CCDC92B: variants seen among roughly 807,000 people sequenced by gnomAD.
CCDC92B encodes coiled-coil domain-containing 92B.
CCDC92B carries 2 observed loss-of-function variants against 5.6 expected under a neutral mutation model. That is an observed-to-expected ratio of 0.36 (90% confidence interval 0.15 to 1.12). The LOEUF is 1.12. Ranked by LOEUF, CCDC92B falls within the 50% of genes most tolerant of loss-of-function variation. The pLI is 0.40. For missense variants in CCDC92B, 271 were observed against 262.2 expected (o/e 1.03, Z -0.23); for synonymous variants, 115 against 122.3 (o/e 0.94, Z 0.39).
intron 1 of CCDC92B, among the ~76,000 whole-genome samples, chr17:2,743,707 C>A (rs1307322982): frequency 6.6e-6 from 1 of 152,112 alleles, no homozygotes; most frequent in Non-Finnish European, 1.5e-5. Context: ...CTCCTCAAGG[C>A]CTATTCCCCT....
rs2070707989 is a variant in CCDC92B at position 2,724,913 on chromosome 17, C to CGCCGCAGCTCCGCGTTG, written c.249_265dup (p.Arg89ProfsTer313). On this transcript the variant is annotated frameshift_variant, in exon 4 of 4. Coordinates refer to ENST00000614400, the MANE Select transcript of CCDC92B (RefSeq NM_001355573.2). LOFTEE classifies it low-confidence loss of function (END_TRUNC). This position sits in a 1 kb window ranked among gnomAD's most constrained non-coding sequence, Gnocchi z 5.0. ...CAGCGCCTCGCGCTGCGCCACCTCCCGCCGCAGCTCCGCGTTGGCCGCAGC... is the reference window on the plus strand; with the variant it reads ...CAGCGCCTCGCGCTGCGCCACCTCCCGCCGCAGCTCCGCGTTGGCCGCAGCTCCGCGTTGGCCGCAGC... The CGCCGCAGCTCCGCGTTG allele has an allele frequency of 2.0e-6, 2 of 985,340 alleles. No homozygotes were observed. The highest frequency in any genetic ancestry group is 2.4e-6 in the Non-Finnish European group (2 of 829,898). 61.0% of individuals were successfully genotyped at this position (985,340 alleles called of 1,614,324 possible). A position where few individuals can be genotyped will look rare whatever the true frequency, so the allele number is the denominator to read the frequency against.
In CCDC92B at chr17:2,728,851, A is replaced by G. The variant is rs535100958; in HGVS notation, c.178+1595T>C. On this transcript the variant is annotated intron_variant, in intron 3 of 3. Transcript: ENST00000614400. ...TTAGTCCAAGTTCGTAAGTGTTTAGATGGTCTGTAACTGATCTTCATGCAT... is the reference window on the plus strand; with the variant it reads ...TTAGTCCAAGTTCGTAAGTGTTTAGGTGGTCTGTAACTGATCTTCATGCAT... Among the ~76,000 whole-genome samples the G allele has an allele frequency of 1.2e-4, 19 of 152,268 alleles. No individual in the cohort carries two copies. In the South Asian group the frequency reaches 3.3e-3, roughly 27 times the overall value.
In CCDC92B at chr17:2,738,758, CAAAAAA is replaced by C. The variant is rs533157087; in HGVS notation, c.-23-3596_-23-3591del. 2.2e-5 allele frequency among the ~76,000 whole-genome samples: 2 copies of C among 89,794 alleles called. 1 individual carries two copies. Among genetic ancestry groups the C allele is most frequent in the African/African-American group, 8.6e-5 (2 of 23,338 alleles). The allele number at this position is 89,794 out of a possible 152,430, so 58.9% of individuals were successfully genotyped here. Reference sequence around the variant, plus strand: ...CTGGGTGACAGAGCAAGACTCGTCTCAAAAAAAAAAAAAAGAAAAAAGAAATGTAAG... The same window carrying C: ...CTGGGTGACAGAGCAAGACTCGTCTCAAAAAAAAGAAAAAAGAAATGTAAG... On this transcript the variant is annotated intron_variant, in intron 1 of 3. Transcript: ENST00000614400.
At chr17:2,739,402 T>C (rs1009736537) in intron 1 of CCDC92B, among the ~76,000 whole-genome samples, 7 of 145,524 alleles carry the variant, frequency 4.8e-5, no homozygotes, top group South Asian at 2.2e-4. Context: ...ACAAACAGGC[T>C]GGGCGCGGTG....
chr17:2,747,464 C>T (rs1159125465), intron 1 of CCDC92B, among the ~76,000 whole-genome samples: 2 of 152,274 alleles, frequency 1.3e-5, no homozygotes, highest in Non-Finnish European at 2.9e-5. Context: ...CGGTGGCTCA[C>T]GCCTGTCATC....
At position 2,724,869 on chromosome 17, in the gene CCDC92B, T is replaced by G; in HGVS notation, c.310A>C (p.Ser104Arg). 2.0e-6 allele frequency: 2 copies of G among 985,096 alleles called. No individual in the cohort carries two copies. Among genetic ancestry groups the G allele is most frequent in the Non-Finnish European group, 2.4e-6 (2 of 829,776 alleles). 61.0% of individuals were successfully genotyped at this position (985,096 alleles called of 1,614,324 possible). A position where few individuals can be genotyped will look rare whatever the true frequency, so the allele number is the denominator to read the frequency against. The change falls in exon 4 of 4, where the codon AGC becomes CGC. Residue 104 changes from serine to arginine, a missense_variant. By Grantham distance (110) the Ser-to-Arg change is moderately radical. Coordinates refer to ENST00000614400, the MANE Select transcript of CCDC92B (RefSeq NM_001355573.2). The surrounding 1 kb of genome is among the most constrained non-coding windows in gnomAD (Gnocchi z 5.0). ...REALVSALRC[S>R]LRTEERRFLE... Reference sequence around the variant, plus strand: ...AAGCGGCGCTCCTCGGTGCGCAGGCTGCAGCGCAGCGCGGACACCAGCGCC... The same window carrying G: ...AAGCGGCGCTCCTCGGTGCGCAGGCGGCAGCGCAGCGCGGACACCAGCGCC...
intron 3 of CCDC92B, among the ~76,000 whole-genome samples, chr17:2,728,471 T>C (rs1416203417): frequency 6.6e-6 from 1 of 151,840 alleles, no homozygotes; most frequent in East Asian, 1.9e-4. Context: ...CCGGGCGTGG[T>C]GGCGGGCGCC....
intron 1 of CCDC92B, among the ~76,000 whole-genome samples, chr17:2,743,426 G>A (rs377190646): frequency 4.6e-5 from 7 of 152,252 alleles, no homozygotes; most frequent in South Asian, 2.1e-4. Flanking sequence ...GCGAGACTCC[G>A]TCTCAAAACA....
intron 1 of CCDC92B, among the ~76,000 whole-genome samples, chr17:2,746,569 A>G (rs1222005593): frequency 6.6e-6 from 1 of 152,040 alleles, no homozygotes; most frequent in African/African-American, 2.4e-5. Context: ...TGATCCCTGA[A>G]AATGACCTCT....
intron 3 of CCDC92B, among the ~76,000 whole-genome samples, chr17:2,726,552 G>T (rs2070733317): frequency 6.6e-6 from 1 of 150,720 alleles, no homozygotes; most frequent in Admixed American, 6.6e-5. Context: ...CCTGACCTCA[G>T]GTCATCCTCC....
chr17:2,737,465 CTTTTTT>C (rs34254249), intron 1 of CCDC92B, among the ~76,000 whole-genome samples: 10 of 60,312 alleles, frequency 1.7e-4, no homozygotes, highest in Middle Eastern at 0.011. Flanking sequence ...ATAGGCCTTT[CTTTTTT>C]TTTTTTTTTT....
intron 1 of CCDC92B, among the ~76,000 whole-genome samples, chr17:2,738,633 G>A (rs574623275): frequency 4.0e-5 from 6 of 151,398 alleles, no homozygotes; most frequent in African/African-American, 1.2e-4. Flanking sequence ...GGTGGCGGGC[G>A]CCTGTAGTCC....
chr17:2,723,983 G>A lies in CCDC92B; in HGVS notation c.*428C>T, dbSNP rs2070690644. 14 of 968,612 alleles carry A rather than the reference G, an allele frequency of 1.4e-5. No homozygotes were observed. The highest frequency in any genetic ancestry group is 1.7e-5 in the Non-Finnish European group (14 of 815,418). 60.0% of individuals were successfully genotyped at this position (968,612 alleles called of 1,614,324 possible). A position where few individuals can be genotyped will look rare whatever the true frequency, so the allele number is the denominator to read the frequency against. On this transcript the variant is annotated 3_prime_UTR_variant, in exon 4 of 4. Transcript: ENST00000614400. ...TCGGCGCGGGGGTGGGGGAGGCGGG[G>A]GGTGGGGAGCTAGAGGGCCTGGGGC...
chr17:2,732,427 C>T (rs1213342032), intron 2 of CCDC92B, among the ~76,000 whole-genome samples: 1 of 152,142 alleles, frequency 6.6e-6, no homozygotes, highest in Admixed American at 6.6e-5. Flanking sequence ...CCTTAATAAC[C>T]TAGAGGTGGC....
rs2070698927 is a variant in CCDC92B, at chr17:2,724,419, G to T, written c.760C>A (p.Pro254Thr). The T allele has an allele frequency of 2.0e-6, 2 of 984,642 alleles. No individual in the cohort carries two copies. The highest frequency in any genetic ancestry group is 2.4e-6 in the Non-Finnish European group (2 of 829,744). The allele number at this position is 984,642 out of a possible 1,614,324, so 61.0% of individuals were successfully genotyped here. A position where few individuals can be genotyped will look rare whatever the true frequency, so the allele number is the denominator to read the frequency against. Reference protein sequence around the residue: ...APSQPSAPGDPE With the variant: ...APSQPSAPGDTE ...CCCGGCCAGCCTGGCGCCTACTCCG[G>T]GTCCCCGGGCGCGCTGGGCTGGCTG... The change falls in exon 4 of 4, where the codon CCG (proline) becomes ACG (threonine). Residue 254 changes from proline to threonine, a missense_variant. Pro to Thr is a conservative substitution (Grantham distance 38). Transcript: ENST00000614400. The surrounding 1 kb of genome is among the most constrained non-coding windows in gnomAD (Gnocchi z 5.0).
At chr17:2,736,193 T>C (rs1308951319) in intron 1 of CCDC92B, among the ~76,000 whole-genome samples, 1 of 151,712 alleles carries the variant, frequency 6.6e-6, no homozygotes, top group Non-Finnish European at 1.5e-5. Flanking sequence ...CTTTGGGAGC[T>C]TGAGGTGGGA....
intron 1 of CCDC92B, among the ~76,000 whole-genome samples, chr17:2,744,021 G>T (rs1345116446): frequency 1.3e-5 from 2 of 152,040 alleles, no homozygotes; most frequent in African/African-American, 4.8e-5. Context: ...GGGATTGCAG[G>T]TGTGCACCAC....
At chr17:2,744,482 G>C (rs185531111) in intron 1 of CCDC92B, among the ~76,000 whole-genome samples, 2 of 152,298 alleles carry the variant, frequency 1.3e-5, no homozygotes, top group Admixed American at 1.3e-4. Flanking sequence ...ATGACCTCCT[G>C]CTTCCAGCCC....
At chr17:2,731,543 C>T (rs1244583900) in intron 2 of CCDC92B, among the ~76,000 whole-genome samples, 1 of 152,192 alleles carries the variant, frequency 6.6e-6, no homozygotes, top group Non-Finnish European at 1.5e-5. Context: ...CCCAGCAGCG[C>T]CTTCAGGGGC....
Sources: allele counts gnomAD v4.1 joint callset (sites outside exome capture counted in the v4.1 genomes callset), GRCh38; gene constraint gnomAD v4.1.1; non-coding constraint Gnocchi (gnomAD v3.1); transcripts MANE v1.5; gene names NCBI Gene and HGNC (gene_info 2026-07-23, HGNC 2026-07-21).